CELF4: variants seen among roughly 807,000 people sequenced by gnomAD.
The protein encoded by CELF4 is CUGBP Elav-like family member 4.
In CELF4, 18 loss-of-function variants were observed where a neutral mutation model predicts 59.9. The ratio of observed to expected loss-of-function variants is 0.30; its 90% CI spans 0.21 to 0.45. The LOEUF is 0.45. Ranked by LOEUF, CELF4 falls within the 20% of genes least tolerant of loss-of-function variation. The probability of loss-of-function intolerance (pLI) is 1.00; values close to 1 mark genes in which losing one functional copy is unlikely to be tolerated. For synonymous variants in CELF4, 261 were observed against 267.1 expected (o/e 0.98, Z 0.22); for missense variants, 456 against 689.0 (o/e 0.66, Z 3.79).
chr18:37,490,760 C>T (rs1359095351), intron 1 of CELF4, among the ~76,000 whole-genome samples: 3 of 152,126 alleles, frequency 2.0e-5, no homozygotes, highest in African/African-American at 7.2e-5. Context: ...GGAGGGCCCT[C>T]CCAGCTGTGC....
chr18:37,343,939 T>C (rs796434277), intron 2 of CELF4, among the ~76,000 whole-genome samples: 6 of 152,268 alleles, frequency 3.9e-5, no homozygotes, highest in African/African-American at 1.4e-4. Flanking sequence ...GGCTGTTCCC[T>C]TTGCCAGGAA....
chr18:37,553,414 G>C (rs1368074381), intron 1 of CELF4, among the ~76,000 whole-genome samples: 1 of 152,112 alleles, frequency 6.6e-6, no homozygotes, highest in East Asian at 1.9e-4. Context: ...GCGTCTTGTG[G>C]GGGCATTTGG....
chr18:37,564,246 C>A (rs2099987444), intron 1 of CELF4, among the ~76,000 whole-genome samples: 1 of 152,296 alleles, frequency 6.6e-6, no homozygotes, highest in African/African-American at 2.4e-5. Flanking sequence ...CCACATAGAT[C>A]CAGCACCGAT....
intron 2 of CELF4, among the ~76,000 whole-genome samples, chr18:37,409,919 C>T (rs1023114156): frequency 1.3e-5 from 2 of 152,210 alleles, no homozygotes; most frequent in African/African-American, 4.8e-5. Context: ...CCTTCACATG[C>T]AGCGCCTCAG....
At chr18:37,421,669 C>T (rs1184858408) in intron 2 of CELF4, among the ~76,000 whole-genome samples, 1 of 152,226 alleles carries the variant, frequency 6.6e-6, no homozygotes, top group Non-Finnish European at 1.5e-5. Context: ...TCATGGGAGC[C>T]CACCAAGTGA....
intron 3 of CELF4, among the ~76,000 whole-genome samples, chr18:37,320,943 T>C (rs533868446): frequency 1.0e-3 from 153 of 152,198 alleles, no homozygotes; most frequent in African/African-American, 3.7e-3. Context: ...GGAGGCCTGA[T>C]CTTGGATGCT....
At chr18:37,405,935 T>C (rs2099386078) in intron 2 of CELF4, among the ~76,000 whole-genome samples, 1 of 152,094 alleles carries the variant, frequency 6.6e-6, no homozygotes, top group African/African-American at 2.4e-5. Context: ...TAACATATAT[T>C]TTAAAATAAC....
intron 1 of CELF4, among the ~76,000 whole-genome samples, chr18:37,498,017 C>G (rs1603642714): frequency 6.6e-6 from 1 of 152,170 alleles, no homozygotes; most frequent in East Asian, 1.9e-4. Flanking sequence ...ACTCTGGACT[C>G]TGCAGCCTTG....
intron 2 of CELF4, among the ~76,000 whole-genome samples, chr18:37,338,858 C>T (rs1302511557): frequency 6.6e-6 from 1 of 151,856 alleles, no homozygotes; most frequent in African/African-American, 2.4e-5. Flanking sequence ...GGCAACCATG[C>T]CCAGCGCTGT....
intron 2 of CELF4, among the ~76,000 whole-genome samples, chr18:37,382,735 C>G (rs189255915): frequency 4.5e-4 from 68 of 152,250 alleles, no homozygotes; most frequent in African/African-American, 1.5e-3. Context: ...TTCATTGATT[C>G]AACAAACGTA....
chr18:37,274,648 T>A, intron 5 of CELF4, 157 bp downstream of exon 5: 1 of 1,489,222 alleles, frequency 6.7e-7, no homozygotes. Context: ...GGCCAGTTCC[T>A]TAACATCCCT....
At chr18:37,363,796 C>T (rs2098740588) in intron 2 of CELF4, among the ~76,000 whole-genome samples, 1 of 152,174 alleles carries the variant, frequency 6.6e-6, no homozygotes, top group Non-Finnish European at 1.5e-5. Flanking sequence ...CCCCTTTATG[C>T]ACGTGCCCCT....
chr18:37,318,854 C>A (rs535469827), intron 3 of CELF4, among the ~76,000 whole-genome samples: 39 of 152,296 alleles, frequency 2.6e-4, no homozygotes, highest in African/African-American at 9.4e-4. Flanking sequence ...CTCTCCAGTG[C>A]TGGAGAAAAT....
chr18:37,486,967 C>G (rs1044716165), intron 1 of CELF4, among the ~76,000 whole-genome samples: 1 of 152,242 alleles, frequency 6.6e-6, no homozygotes, highest in African/African-American at 2.4e-5. Flanking sequence ...CAGCCAGTCT[C>G]CACAGCCAGC....
chr18:37,447,524 G>A (rs2154601465), intron 2 of CELF4, among the ~76,000 whole-genome samples: 1 of 152,284 alleles, frequency 6.6e-6, no homozygotes, highest in South Asian at 2.1e-4. Context: ...TGCAGCTGGA[G>A]GGAGCGACCC....
intron 2 of CELF4, among the ~76,000 whole-genome samples, chr18:37,465,279 C>A (rs1225252830): frequency 6.6e-6 from 1 of 152,152 alleles, no homozygotes; most frequent in Non-Finnish European, 1.5e-5. Flanking sequence ...ATAAAGAATG[C>A]TTTTCCTGCC....
intron 2 of CELF4, among the ~76,000 whole-genome samples, chr18:37,471,017 C>G (rs2099823857): frequency 1.3e-5 from 2 of 152,094 alleles, no homozygotes; most frequent in Admixed American, 1.3e-4. Flanking sequence ...CTCTCCAGCA[C>G]TGCGTAGCCT....
chr18:37,377,300 T>G lies in CELF4; in HGVS notation c.370-55419A>C, dbSNP rs528881911. The stretch of plus-strand genomic sequence containing the variant: ...CTCCTGCTTCTGCAGGACCCTGAGG[T>G]CTACATGTCCCAAAAAACTGCCTCA... On this transcript the variant is annotated intron_variant, in intron 2 of 12. Transcript: ENST00000420428. 3.3e-5 allele frequency among the ~76,000 whole-genome samples: 5 copies of G among 152,128 alleles called. No individual in the cohort carries two copies. In the South Asian group the frequency reaches 1.0e-3, roughly 32 times the overall value.
intron 1 of CELF4, among the ~76,000 whole-genome samples, chr18:37,504,793 G>A (rs2099935824): frequency 6.6e-6 from 1 of 152,214 alleles, no homozygotes; most frequent in Non-Finnish European, 1.5e-5. Flanking sequence ...GAAATATGGA[G>A]ATCCTCGAGA....
Sources: gnomAD v4.1 joint callset for allele counts (sites outside exome capture counted in the v4.1 genomes callset) on GRCh38, gnomAD v4.1.1 for gene constraint, MANE v1.5 for transcripts, NCBI Gene and HGNC (gene_info 2026-07-23, HGNC 2026-07-21) for gene names.